Variants in ALG9 observed in about 807,000 individuals in gnomAD.
The protein encoded by ALG9 is ALG9 alpha-1,2-mannosyltransferase.
Under a neutral mutation model 81.8 loss-of-function variants are expected in ALG9, and 55 were observed. The ratio of observed to expected loss-of-function variants is 0.67; its 90% CI spans 0.54 to 0.84. ALG9 has a LOEUF of 0.84. Among genes scored for constraint, ALG9 ranks in the 40% least tolerant of loss-of-function variants. The probability of loss-of-function intolerance (pLI) is 0.00; values close to 1 mark genes in which losing one functional copy is unlikely to be tolerated. For missense variants in ALG9, 629 were observed against 745.0 expected, an observed-to-expected ratio of 0.84 and a Z score of 1.81; for synonymous variants, 278 against 274.3, an observed-to-expected ratio of 1.01 and a Z score of -0.13.
chr11:111,871,340 C>T lies in ALG9; in HGVS notation c.131+12G>A, dbSNP rs782547887. 127 of 1,490,548 alleles carry T rather than the reference C, an allele frequency of 8.5e-5. 1 individual carries two copies. The highest frequency in any genetic ancestry group is 3.9e-5 in the Non-Finnish European group (44 of 1,127,218). The allele number at this position is 1,490,548 out of a possible 1,614,324, so 92.3% of individuals were successfully genotyped here. A position where few individuals can be genotyped will look rare whatever the true frequency, so the allele number is the denominator to read the frequency against. On this transcript the variant is annotated intron_variant, in intron 1 of 14. Coordinates refer to ENST00000616540, the MANE Select transcript of ALG9 (RefSeq NM_024740.2). ...GCCGGCCGGCCACGCCCCTGCCGCG[C>T]CGCACACGTACTCGGTCCGGTGCTC...
the ALG9 span, among the ~76,000 whole-genome samples, chr11:111,771,711 G>T: frequency 6.6e-6 from 1 of 152,338 alleles, no homozygotes; most frequent in Non-Finnish European, 1.5e-5. Context: ...TTGGCAAGAT[G>T]ACCCTGGTAA....
chr11:111,823,704 T>C (rs1158872467), intron 13 of ALG9, among the ~76,000 whole-genome samples: 2 of 152,208 alleles, frequency 1.3e-5, no homozygotes, highest in African/African-American at 4.8e-5. Flanking sequence ...TGGGAAAAGG[T>C]CACATGTCTT....
chr11:111,793,641 G>GC (rs1555072635), intron 14 of ALG9, among the ~76,000 whole-genome samples: 5 of 151,798 alleles, frequency 3.3e-5, no homozygotes, highest in Admixed American at 6.6e-5. Flanking sequence ...GGTGCCTGTA[G>GC]TCCCAGCTAC....
chr11:111,786,591 AAAAT>A (rs1231432502), intron 14 of ALG9, 71 bp from the exon 15 acceptor site: 6 of 1,506,774 alleles, frequency 4.0e-6, no homozygotes, highest in Middle Eastern at 1.8e-4. Context: ...AAATGTGATT[AAAAT>A]AAATAAACTA....
intron 8 of ALG9, among the ~76,000 whole-genome samples, chr11:111,849,060 T>TC (rs1170706865): frequency 1.2e-4 from 18 of 151,710 alleles, no homozygotes; most frequent in African/African-American, 4.1e-4. Flanking sequence ...TTTCTTTCTT[T>TC]TTTTTTTTGA....
At chr11:111,773,676 C>T in the ALG9 span, among the ~76,000 whole-genome samples, 3 of 151,412 alleles carry the variant, frequency 2.0e-5, no homozygotes, top group African/African-American at 2.4e-5. Flanking sequence ...ATATACCACT[C>T]GGAAAAAAAT....
intron 3 of ALG9, among the ~76,000 whole-genome samples, chr11:111,868,115 A>G (rs1963080464): frequency 6.6e-6 from 1 of 152,242 alleles, no homozygotes; most frequent in African/African-American, 2.4e-5. Flanking sequence ...GGCAAAAGGA[A>G]TAAGCCCAAA....
At chr11:111,810,499 T>C (rs1289347609) in intron 13 of ALG9, among the ~76,000 whole-genome samples, 3 of 152,204 alleles carry the variant, frequency 2.0e-5, no homozygotes, top group Non-Finnish European at 2.9e-5. Context: ...CTCTCGCCTG[T>C]AGTCCCAGCA....
intron 14 of ALG9, among the ~76,000 whole-genome samples, chr11:111,788,751 C>CA (rs1946878294): frequency 8.4e-4 from 108 of 128,160 alleles, no homozygotes; most frequent in South Asian, 1.2e-3. Flanking sequence ...AGACATTGTC[C>CA]CAAAAAAAAA....
At chr11:111,809,043 C>T (rs1477141636) in intron 14 of ALG9, among the ~76,000 whole-genome samples, 2 of 152,310 alleles carry the variant, frequency 1.3e-5, no homozygotes, top group East Asian at 1.9e-4. Flanking sequence ...CTAACAGTGT[C>T]AAAATGCTCT....
At chr11:111,822,785 G>A (rs192291874) in intron 13 of ALG9, among the ~76,000 whole-genome samples, 82 of 152,252 alleles carry the variant, frequency 5.4e-4, no homozygotes, top group African/African-American at 1.9e-3. Flanking sequence ...CACTTTGGGA[G>A]GCTGAGGTGG....
chr11:111,864,252 C>G, intron 4 of ALG9: 1 of 1,085,798 alleles, frequency 9.2e-7, no homozygotes, highest in Non-Finnish European at 1.4e-6. Context: ...CTCACGTGCA[C>G]CATGTCTGGC....
chr11:111,808,132 C>T (rs1950198893), intron 14 of ALG9, among the ~76,000 whole-genome samples: 2 of 152,022 alleles, frequency 1.3e-5, no homozygotes, highest in Admixed American at 1.3e-4. Context: ...AATGGCACTC[C>T]TAGAAATTAT....
chr11:111,861,475 C>T (rs1960099478), intron 4 of ALG9, among the ~76,000 whole-genome samples: 1 of 152,074 alleles, frequency 6.6e-6, no homozygotes, highest in Admixed American at 6.5e-5. Context: ...TCTTCCCCTC[C>T]TCCTCCCACT....
chr11:111,777,262 G>A (rs1945731036), downstream of ALG9, among the ~76,000 whole-genome samples: 1 of 152,192 alleles, frequency 6.6e-6, no homozygotes, highest in Admixed American at 6.5e-5. Flanking sequence ...TGCTGTGATG[G>A]ACAATTCACC....
At position 111,838,201 on chromosome 11, in the gene ALG9, G is replaced by A. The variant is rs782394714; in HGVS notation, c.1324+48C>T. The A allele has an allele frequency of 8.1e-6, 13 of 1,607,616 alleles. No individual in the cohort carries two copies. In the South Asian group the frequency reaches 1.4e-4, roughly 18 times the overall value. On this transcript the variant is annotated intron_variant, in intron 11 of 14. Coordinates refer to ENST00000616540, the MANE Select transcript of ALG9 (RefSeq NM_024740.2). The stretch of plus-strand genomic sequence containing the variant: ...TAATCATGAATCAAGTAAAACCTAA[G>A]AGCAAGTGACTCGTCAGTGTAGGTT...
the ALG9 span, among the ~76,000 whole-genome samples, chr11:111,775,951 C>T: frequency 6.6e-6 from 1 of 152,120 alleles, no homozygotes; most frequent in Non-Finnish European, 1.5e-5. Context: ...GGGCAAGACA[C>T]TTAATAATAT....
At chr11:111,809,919 C>G (rs1950466421) in intron 13 of ALG9, 146 bp from the exon 14 acceptor site, 1 of 912,574 alleles carries the variant, frequency 1.1e-6, no homozygotes, top group Admixed American at 1.9e-5. Context: ...GCTCTCTCCA[C>G]TCAGATAAGA....
intron 13 of ALG9, among the ~76,000 whole-genome samples, chr11:111,824,882 C>T (rs1952970868): frequency 6.6e-6 from 1 of 152,124 alleles, no homozygotes; most frequent in South Asian, 2.1e-4. Context: ...GAATTAGTTT[C>T]CATAAATGAC....
Sources: allele counts gnomAD v4.1 joint callset (sites outside exome capture counted in the v4.1 genomes callset), GRCh38; gene constraint gnomAD v4.1.1; transcripts MANE v1.5; gene names NCBI Gene and HGNC (gene_info 2026-07-23, HGNC 2026-07-21).